Variants in ARHGAP25 observed in about 807,000 individuals in gnomAD.
ARHGAP25 encodes the protein rho GTPase-activating protein 25.
A neutral mutation model predicts 71.0 loss-of-function variants in ARHGAP25; 34 were observed. That is an observed-to-expected ratio of 0.48 (90% CI 0.36 to 0.64). The LOEUF (loss-of-function observed/expected upper bound fraction) is 0.64, where lower values mean the gene tolerates loss of function less well. Ranked by LOEUF, ARHGAP25 falls within the 30% of genes least tolerant of loss-of-function variation. ARHGAP25 has a pLI of 0.00. For missense variants in ARHGAP25, 706 were observed against 805.1 expected, an observed-to-expected ratio of 0.88 and a Z score of 1.49; for synonymous variants, 282 against 296.5, an observed-to-expected ratio of 0.95 and a Z score of 0.50.
Position 68,778,190 on chromosome 2 carries a change from G to C in ARHGAP25, c.261+2770G>C, listed in dbSNP as rs189743153. ...AGTGATATGACAACAATGCCCAGTG[G>C]TAGGGGCTAACTTATATTAGGCTAC... On this transcript the variant is annotated intron_variant, in intron 2 of 10. Transcript: ENST00000409202. Among the ~76,000 whole-genome samples, 480 of 152,232 alleles carry C rather than the reference G, an allele frequency of 3.2e-3. 2 individuals are homozygous for C. The highest frequency in any genetic ancestry group is 0.011 in the African/African-American group (465 of 41,554).
chr2:68,814,206 C>T (rs970634766), intron 6 of ARHGAP25, among the ~76,000 whole-genome samples: 2 of 152,168 alleles, frequency 1.3e-5, no homozygotes, highest in Non-Finnish European at 2.9e-5. Flanking sequence ...ATAATGAGAC[C>T]TAGATTTAAC....
At chr2:68,780,509 G>A (rs990478480) in intron 2 of ARHGAP25, among the ~76,000 whole-genome samples, 1 of 152,176 alleles carries the variant, frequency 6.6e-6, no homozygotes, top group Admixed American at 6.5e-5. Context: ...GTAGGTGGAG[G>A]TTATTTTTAA....
intron 3 of ARHGAP25, among the ~76,000 whole-genome samples, chr2:68,786,781 C>G (rs1048373219): frequency 6.6e-6 from 1 of 152,208 alleles, no homozygotes; most frequent in Non-Finnish European, 1.5e-5. Flanking sequence ...CAGGGAAATA[C>G]AGGTTTAGGC....
At chr2:68,733,592 C>T (rs894519058), upstream of ARHGAP25, among the ~76,000 whole-genome samples, 3 of 152,214 alleles carry the variant, frequency 2.0e-5, no homozygotes, top group Non-Finnish European at 4.4e-5. Context: ...GTGTTAACAG[C>T]CAGTTCACCC....
intron 2 of ARHGAP25, among the ~76,000 whole-genome samples, chr2:68,725,607 A>G (rs906720269): frequency 6.6e-6 from 1 of 152,146 alleles, no homozygotes; most frequent in Non-Finnish European, 1.5e-5. Flanking sequence ...GATTACAGGC[A>G]TGAGCCACCA....
rs1678410013 is a variant in ARHGAP25 at position 68,782,445 on chromosome 2, G to A, written c.349+125G>A. The A allele has an allele frequency of 3.8e-6, 3 of 787,682 alleles. No individual in the cohort carries two copies. In the Admixed American group the frequency reaches 7.1e-5, roughly 19 times the overall value. The allele number at this position is 787,682 out of a possible 1,614,324, so 48.8% of individuals were successfully genotyped here. A position where few individuals can be genotyped will look rare whatever the true frequency, so the allele number is the denominator to read the frequency against. On this transcript the variant is annotated intron_variant, in intron 3 of 10. Transcript: ENST00000409202. ...ACTAACTAACCAACCAGCCTATTGA[G>A]AGCCCACAATGGTTCTTTATACAGT...
At chr2:68,824,673 C>T (rs1181386986) in intron 10 of ARHGAP25, among the ~76,000 whole-genome samples, 7 of 151,748 alleles carry the variant, frequency 4.6e-5, no homozygotes, top group East Asian at 3.9e-4. Flanking sequence ...ACCTGGGAGG[C>T]GGAGCTTGCA....
chr2:68,722,849 C>T (rs554794669), intron 2 of ARHGAP25, among the ~76,000 whole-genome samples: 5 of 152,124 alleles, frequency 3.3e-5, no homozygotes, highest in Admixed American at 2.0e-4. Flanking sequence ...GAGGCAAATA[C>T]GAGTGTCACT....
intron 2 of ARHGAP25, among the ~76,000 whole-genome samples, chr2:68,724,080 A>G (rs1674827561): frequency 6.6e-6 from 1 of 152,128 alleles, no homozygotes; most frequent in African/African-American, 2.4e-5. Context: ...TGAGTATGAC[A>G]GGACAATGGC....
intron 1 of ARHGAP25, among the ~76,000 whole-genome samples, chr2:68,742,195 A>G: frequency 6.6e-6 from 1 of 152,202 alleles, no homozygotes; most frequent in Non-Finnish European, 1.5e-5. Flanking sequence ...CACTGCTGGA[A>G]TTTTGGCCTA....
intron 2 of ARHGAP25, among the ~76,000 whole-genome samples, chr2:68,714,671 C>T (rs1334404090): frequency 6.6e-6 from 1 of 152,130 alleles, no homozygotes; most frequent in Non-Finnish European, 1.5e-5. Context: ...CCCAGAGATT[C>T]TGGTATGTTG....
At chr2:68,733,397 T>C (rs910938382), upstream of ARHGAP25, among the ~76,000 whole-genome samples, 1 of 152,076 alleles carries the variant, frequency 6.6e-6, no homozygotes. Flanking sequence ...AGAGGAGAGA[T>C]ATTTGCAAGT....
At chr2:68,797,013 G>A (rs1679598294) in intron 4 of ARHGAP25, among the ~76,000 whole-genome samples, 1 of 152,210 alleles carries the variant, frequency 6.6e-6, no homozygotes, top group African/African-American at 2.4e-5. Context: ...ACAACGAGCG[G>A]TGGGGGTAGC....
At chr2:68,782,171 A>T in intron 2 of ARHGAP25, 62 bp from the exon 3 acceptor site, 1 of 1,441,464 alleles carries the variant, frequency 6.9e-7, no homozygotes, top group Non-Finnish European at 9.8e-7. Flanking sequence ...CTGTTGTCCA[A>T]CCCAATTTTA....
Position 68,783,123 on chromosome 2 carries a change from C to A in ARHGAP25, c.349+803C>A, listed in dbSNP as rs112192463. On this transcript the variant is annotated intron_variant, in intron 3 of 10. Transcript: ENST00000409202. ...ATAAGAAAGTTGATGGAGAAGGCAGCGTAGCATAGAGGTTAGAAGTGTCCA... is the reference window on the plus strand; with the variant it reads ...ATAAGAAAGTTGATGGAGAAGGCAGAGTAGCATAGAGGTTAGAAGTGTCCA... Among the ~76,000 whole-genome samples the A allele has an allele frequency of 5.4e-3, 816 of 152,346 alleles. 5 individuals are homozygous for A. Among genetic ancestry groups the A allele is most frequent in the Admixed American group, 1.0e-2 (153 of 15,306 alleles).
At chr2:68,719,102 C>T (rs1050399121) in intron 2 of ARHGAP25, among the ~76,000 whole-genome samples, 1 of 152,098 alleles carries the variant, frequency 6.6e-6, no homozygotes, top group Non-Finnish European at 1.5e-5. Flanking sequence ...GCACTCAGAG[C>T]CCTTCCAGAC....
intron 1 of ARHGAP25, chr2:68,774,799 C>A: frequency 9.2e-7 from 1 of 1,088,794 alleles, no homozygotes; most frequent in South Asian, 2.5e-5. Context: ...GTGGGACTCA[C>A]CCCGAGCCTT....
chr2:68,817,763 A>G (rs1327417201), intron 7 of ARHGAP25, 110 bp from the exon 8 acceptor site: 98 of 1,355,726 alleles, frequency 7.2e-5, no homozygotes, highest in Non-Finnish European at 9.6e-5. Context: ...CTCATTCCTG[A>G]GTCTGGGAGG....
chr2:68,737,423 T>A (rs1386026368), intron 1 of ARHGAP25, among the ~76,000 whole-genome samples: 1 of 152,190 alleles, frequency 6.6e-6, no homozygotes, highest in Non-Finnish European at 1.5e-5. Context: ...GGTTGGATAG[T>A]TTTTTGTTGT....
Sources: gnomAD v4.1 joint callset for allele counts (sites outside exome capture counted in the v4.1 genomes callset) on GRCh38, gnomAD v4.1.1 for gene constraint, MANE v1.5 for transcripts, NCBI Gene and HGNC (gene_info 2026-07-23, HGNC 2026-07-21) for gene names.